Variants in NAPA observed in about 807,000 individuals in gnomAD.
NAPA encodes the protein NSF attachment protein alpha.
Under a neutral mutation model 48.0 loss-of-function variants are expected in NAPA, and 18 were observed. The ratio of observed to expected loss-of-function variants is 0.38; its 90% confidence interval spans 0.26 to 0.56. The LOEUF is 0.56. NAPA is among the 20% of genes least tolerant of loss of function. NAPA has a pLI of 0.77. For synonymous variants in NAPA, 152 were observed against 149.9 expected (o/e 1.01, Z -0.10); for missense variants, 315 against 385.0 (o/e 0.82, Z 1.52).
chr19:47,494,981 GAC>G (rs1968382721), intron 4 of NAPA: 1 of 153,760 alleles, frequency 6.5e-6, no homozygotes, highest in African/African-American at 2.4e-5. Flanking sequence ...GGAAGTGCCG[GAC>G]ACACACTCTC....
intron 1 of NAPA, among the ~76,000 whole-genome samples, chr19:47,511,961 G>A (rs1398077835): frequency 6.6e-6 from 1 of 152,150 alleles, no homozygotes; most frequent in Non-Finnish European, 1.5e-5. Context: ...AGCCTCCTCG[G>A]AGATCTTCAG....
intron 1 of NAPA, among the ~76,000 whole-genome samples, chr19:47,512,236 C>T (rs1055839084): frequency 1.3e-5 from 2 of 152,092 alleles, no homozygotes; most frequent in Admixed American, 6.5e-5. Context: ...GCAGAACCTC[C>T]CGTCACGGTA....
intron 9 of NAPA, 118 bp downstream of exon 9, chr19:47,490,670 C>CAAAACAA: frequency 4.6e-6 from 4 of 866,672 alleles, no homozygotes; most frequent in South Asian, 1.7e-5. Context: ...CAAAACAAAA[C>CAAAACAA]AAAACAAAGA....
chr19:47,489,723 G>A lies in NAPA; in HGVS notation c.774C>T (p.Ser258=). 2 of 1,614,074 alleles carry A rather than the reference G, an allele frequency of 1.2e-6. No homozygotes were observed. The highest frequency in any genetic ancestry group is 1.7e-6 in the Non-Finnish European group (2 of 1,179,998). The part of the protein sequence containing the change: ...LEAHEEQNVD[S]YTESVKEYDS... ...GCTGGCCACTCACCGACTCGGTGTA[G>A]CTGTCCACATTCTGCTCCTCGTGGG... Residue 258 remains serine (S), a synonymous_variant, in exon 10 of 11, where the codon AGC becomes AGT. Coordinates refer to ENST00000263354, the MANE Select transcript of NAPA (RefSeq NM_003827.4).
At chr19:47,513,913 G>A (rs1968855071) in intron 1 of NAPA, among the ~76,000 whole-genome samples, 1 of 67,466 alleles carries the variant, frequency 1.5e-5, no homozygotes, top group Non-Finnish European at 3.7e-5. Flanking sequence ...GCAGTGGCTC[G>A]ATCTCGGCTC....
chr19:47,492,317 GGGTGTGATGGT>G, intron 7 of NAPA, 198 bp from the exon 8 acceptor site: 1 of 560,716 alleles, frequency 1.8e-6, no homozygotes. Context: ...ACCAAGATCA[GGGTGTGATGGT>G]GGCTGGGTGG....
intron 1 of NAPA, among the ~76,000 whole-genome samples, chr19:47,509,598 C>T (rs1366657048): frequency 6.6e-6 from 1 of 152,186 alleles, no homozygotes; most frequent in East Asian, 1.9e-4. Context: ...CGCAGAGGAC[C>T]GATTCCAGGC....
At chr19:47,492,155 G>A (rs1968286320) in intron 7 of NAPA, 36 bp from the exon 8 acceptor site, 7 of 1,584,714 alleles carry the variant, frequency 4.4e-6, no homozygotes, top group Non-Finnish European at 6.1e-6. Context: ...GTGAGCTCAG[G>A]GCAAGCAGCC....
chr19:47,491,314 A>C (rs1423117673), intron 8 of NAPA: 1 of 164,214 alleles, frequency 6.1e-6, no homozygotes, highest in Non-Finnish European at 1.3e-5. Context: ...ACCTGGTCTG[A>C]CAAAGCCCAA....
intron 1 of NAPA, among the ~76,000 whole-genome samples, chr19:47,507,815 A>G (rs1165400423): frequency 6.6e-6 from 1 of 152,130 alleles, no homozygotes; most frequent in African/African-American, 2.4e-5. Context: ...CCCTTGCTTT[A>G]CAGGCGAGGA....
At position 47,500,685 on chromosome 19, in the gene NAPA, T is replaced by G; in HGVS notation, c.243A>C (p.Ala81=). Reference sequence around the variant, plus strand: ...TGCCAGCGTCCACAAAGCAGGTGGCTGCGTCGTGCTTGCTCTGGAGCTGCA... The same window carrying G: ...TGCCAGCGTCCACAAAGCAGGTGGCGGCGTCGTGCTTGCTCTGGAGCTGCA... ...LHLQLQSKHD[A]ATCFVDAGNA... Residue 81 remains alanine, a synonymous_variant, in exon 3 of 11, where the codon GCA becomes GCC. Coordinates refer to ENST00000263354, the MANE Select transcript of NAPA (RefSeq NM_003827.4). 6.2e-7 allele frequency: 1 copy of G among 1,612,258 alleles called. No individual in the cohort carries two copies. The highest frequency in any genetic ancestry group is 8.5e-7 in the Non-Finnish European group (1 of 1,179,134).
intron 9 of NAPA, 49 bp from the exon 10 acceptor site, chr19:47,489,810 T>C (rs369780099): frequency 4.4e-6 from 7 of 1,603,028 alleles, no homozygotes; most frequent in Non-Finnish European, 6.0e-6. Flanking sequence ...TGACCTGAGG[T>C]CTGGCCTGGA....
At chr19:47,495,714 C>G in intron 3 of NAPA, 118 bp from the exon 4 acceptor site, 1 of 881,662 alleles carries the variant, frequency 1.1e-6, no homozygotes, top group Non-Finnish European at 1.9e-6. Context: ...AATAGGCGCT[C>G]AGAGCTGCCA....
intron 10 of NAPA, 141 bp from the exon 11 acceptor site, chr19:47,488,530 C>T (rs1968143865): frequency 1.7e-6 from 1 of 577,258 alleles, no homozygotes; most frequent in African/African-American, 1.9e-5. Flanking sequence ...GGCTTGAGGC[C>T]CCAACTCAGC....
At chr19:47,489,628 A>G in intron 10 of NAPA, 83 bp downstream of exon 10, 1 of 1,465,936 alleles carries the variant, frequency 6.8e-7, no homozygotes, top group Non-Finnish European at 9.5e-7. Context: ...GGTGAATGTC[A>G]TGGAGAGCGT....
rs1185579235 is a variant in NAPA at position 47,493,233 on chromosome 19, G to C, written c.421-59C>G. The C allele has an allele frequency of 6.5e-7, 1 of 1,529,688 alleles. No individual in the cohort carries two copies. The highest frequency in any genetic ancestry group is 1.8e-4 in the Middle Eastern group (1 of 5,480). The allele number at this position is 1,529,688 out of a possible 1,614,324, so 94.8% of individuals were successfully genotyped here. On this transcript the variant is annotated intron_variant, in intron 5 of 10. Transcript: ENST00000263354. This position sits in a 1 kb window ranked among gnomAD's most constrained non-coding sequence, Gnocchi z 6.4. Reference sequence around the variant, plus strand: ...GGCAGGGAAGGGAGAGGAGGCCTCCGTGAAGCTTCCACACCCTCCGCCCTG... The same window carrying C: ...GGCAGGGAAGGGAGAGGAGGCCTCCCTGAAGCTTCCACACCCTCCGCCCTG...
intron 3 of NAPA, chr19:47,497,081 C>T (rs1454429004): frequency 1.1e-5 from 3 of 266,014 alleles, no homozygotes; most frequent in African/African-American, 6.8e-5. Context: ...ATCGGCGGAC[C>T]CAGAAGCAAC....
At chr19:47,495,522 G>C in intron 4 of NAPA, 28 bp downstream of exon 4, 1 of 1,612,226 alleles carries the variant, frequency 6.2e-7, no homozygotes, top group Non-Finnish European at 8.5e-7. Flanking sequence ...GGGACCCGGG[G>C]GTGTCAGGAC....
At chr19:47,500,838 G>T in intron 2 of NAPA, 89 bp from the exon 3 acceptor site, 2 of 1,029,236 alleles carry the variant, frequency 1.9e-6, no homozygotes, top group South Asian at 1.7e-5. Context: ...GGTGGGTCGG[G>T]CTCTCGAGAA....
Sources: allele counts gnomAD v4.1 joint callset (sites outside exome capture counted in the v4.1 genomes callset), GRCh38; gene constraint gnomAD v4.1.1; non-coding constraint Gnocchi (gnomAD v3.1); transcripts MANE v1.5; gene names NCBI Gene and HGNC (gene_info 2026-07-23, HGNC 2026-07-21).